The following FAM114A1 variants were observed in gnomAD, a reference collection of about 807,000 sequenced individuals.
FAM114A1 encodes the protein family with sequence similarity 114 member A1.
Under a neutral mutation model 64.3 loss-of-function variants are expected in FAM114A1, and 62 were observed. The observed-to-expected ratio is 0.96, with a 90% confidence interval of 0.79 to 1.19. The LOEUF is 1.19. Ranked by LOEUF, FAM114A1 falls within the 50% of genes most tolerant of loss-of-function variation. The probability of loss-of-function intolerance (pLI) is 0.00; values close to 1 mark genes in which losing one functional copy is unlikely to be tolerated. For missense variants in FAM114A1, 645 were observed against 676.3 expected (o/e 0.95, Z 0.51); for synonymous variants, 254 against 251.1 (o/e 1.01, Z -0.11).
chr4:38,897,302 A>G (rs1009330627), intron 4 of FAM114A1, among the ~76,000 whole-genome samples: 1 of 152,236 alleles, frequency 6.6e-6, no homozygotes, highest in African/African-American at 2.4e-5. Context: ...GAATATGTTG[A>G]TACCATATCC....
At chr4:38,922,659 C>A in intron 8 of FAM114A1, 111 bp from the exon 9 acceptor site, 1 of 1,377,878 alleles carries the variant, frequency 7.3e-7, no homozygotes, top group Non-Finnish European at 9.7e-7. Flanking sequence ...CCCAGCGATA[C>A]CTCCCACACC....
intron 13 of FAM114A1, among the ~76,000 whole-genome samples, chr4:38,939,370 C>G (rs1025575212): frequency 3.3e-5 from 5 of 152,136 alleles, no homozygotes; most frequent in Non-Finnish European, 7.3e-5. Context: ...CTAAAGCAGC[C>G]ATTATTCATA....
intron 8 of FAM114A1, among the ~76,000 whole-genome samples, chr4:38,919,097 G>A (rs1429025834): frequency 6.6e-6 from 1 of 150,702 alleles, no homozygotes; most frequent in African/African-American, 2.4e-5. Flanking sequence ...AGGTTGTAGT[G>A]AGCCGAGATC....
At position 38,889,657 on chromosome 4, in the gene FAM114A1, G is replaced by A. The variant is rs532895811; in HGVS notation, c.349-2086G>A. Among the ~76,000 whole-genome samples the A allele has an allele frequency of 3.9e-5, 6 of 152,274 alleles. No individual in the cohort carries two copies. The East Asian group carries it at 9.6e-4, about 24-fold the overall frequency. Reference sequence around the variant, plus strand: ...CTTAAAACAATTTGAGTAACTTGTTGTCCAAAACAGTAGAGCCTGGAGTCA... The same window carrying A: ...CTTAAAACAATTTGAGTAACTTGTTATCCAAAACAGTAGAGCCTGGAGTCA... On this transcript the variant is annotated intron_variant, in intron 3 of 14. Coordinates refer to ENST00000358869, the MANE Select transcript of FAM114A1 (RefSeq NM_138389.4).
Position 38,873,311 on chromosome 4 carries a change from G to A in FAM114A1, c.-8-4760G>A, listed in dbSNP as rs1346592412. On this transcript the variant is annotated intron_variant, in intron 2 of 14. Transcript: ENST00000358869. ...CTAACTCAATTAACTGGGAGGTGAA[G>A]GAAAAAAGAAAGACAATACGGAAAT... Among the ~76,000 whole-genome samples the A allele has an allele frequency of 3.9e-5, 6 of 152,216 alleles. No individual in the cohort carries two copies. In the East Asian group the frequency reaches 9.6e-4, roughly 24 times the overall value.
chr4:38,898,329 G>C (rs2109638702), intron 4 of FAM114A1, among the ~76,000 whole-genome samples: 1 of 152,218 alleles, frequency 6.6e-6, no homozygotes, highest in East Asian at 1.9e-4. Flanking sequence ...CTCTCCCAAG[G>C]TACATAGTTT....
chr4:38,887,296 T>C (rs1427162373), intron 3 of FAM114A1, among the ~76,000 whole-genome samples: 2 of 152,244 alleles, frequency 1.3e-5, no homozygotes, highest in East Asian at 3.8e-4. Flanking sequence ...ATCTCACTGT[T>C]TAGAAGTCCA....
chr4:38,921,509 G>C (rs775953133), intron 8 of FAM114A1, among the ~76,000 whole-genome samples: 1 of 152,138 alleles, frequency 6.6e-6, no homozygotes, highest in South Asian at 2.1e-4. Flanking sequence ...TGATCCTCCC[G>C]CCTCAGCCTC....
intron 8 of FAM114A1, among the ~76,000 whole-genome samples, chr4:38,916,872 C>A (rs959694684): frequency 6.6e-6 from 1 of 152,114 alleles, no homozygotes; most frequent in African/African-American, 2.4e-5. Context: ...GGAGGTTGTC[C>A]TCCCACTGCA....
At chr4:38,889,147 A>C (rs747799350) in intron 3 of FAM114A1, among the ~76,000 whole-genome samples, 3 of 152,212 alleles carry the variant, frequency 2.0e-5, no homozygotes, top group Non-Finnish European at 4.4e-5. Context: ...TAAATATTAT[A>C]AATTTGAGTC....
intron 7 of FAM114A1, among the ~76,000 whole-genome samples, chr4:38,910,095 C>T (rs537927464): frequency 3.9e-4 from 60 of 151,974 alleles, no homozygotes; most frequent in African/African-American, 1.1e-3. Context: ...AAAAATTAGC[C>T]GGATGTGGTG....
At chr4:38,913,081 C>A (rs1718710206) in intron 7 of FAM114A1, among the ~76,000 whole-genome samples, 1 of 152,146 alleles carries the variant, frequency 6.6e-6, no homozygotes, top group African/African-American at 2.4e-5. Context: ...ACAATAAAAA[C>A]CAAAGTCTAT....
chr4:38,927,960 G>A (rs1239065210), intron 9 of FAM114A1, among the ~76,000 whole-genome samples: 2 of 152,192 alleles, frequency 1.3e-5, no homozygotes, highest in African/African-American at 4.8e-5. Flanking sequence ...GGGATTACAG[G>A]CGTGAGCCAC....
chr4:38,882,300 CA>C (rs1419750457), intron 3 of FAM114A1, among the ~76,000 whole-genome samples: 1 of 99,524 alleles, frequency 1.0e-5, no homozygotes, highest in African/African-American at 4.3e-5. Flanking sequence ...GCCTGGGCGA[CA>C]GAGCGAGACT....
In FAM114A1 at chr4:38,891,831, G is replaced by A. The variant is rs760288286; in HGVS notation, c.436+1G>A. The A allele has an allele frequency of 2.7e-5, 44 of 1,609,800 alleles. No homozygotes were observed. The Admixed American group carries it at 7.5e-4, about 27-fold the overall frequency. On this transcript the variant is annotated splice_donor_variant, in intron 4 of 14. Coordinates refer to ENST00000358869, the MANE Select transcript of FAM114A1 (RefSeq NM_138389.4). LOFTEE classifies it high-confidence loss of function. ...CTGTCGTCAGCATCTGCCACAGTAG[G>A]TAAGCATTGTATGTTGCATTGGAAT... is the stretch of plus-strand genomic sequence containing the variant.
chr4:38,873,684 C>T (rs938707691), intron 2 of FAM114A1, among the ~76,000 whole-genome samples: 1 of 152,192 alleles, frequency 6.6e-6, no homozygotes, highest in Non-Finnish European at 1.5e-5. Flanking sequence ...AAAAGAACAA[C>T]ATATGGAACT....
At chr4:38,884,580 A>G (rs995226502) in intron 3 of FAM114A1, among the ~76,000 whole-genome samples, 10 of 152,356 alleles carry the variant, frequency 6.6e-5, no homozygotes, top group African/African-American at 1.7e-4. Flanking sequence ...TTATAGTACA[A>G]TCTCACCACT....
chr4:38,937,224 G>A (rs969520804), intron 13 of FAM114A1, among the ~76,000 whole-genome samples: 2 of 152,166 alleles, frequency 1.3e-5, no homozygotes, highest in Non-Finnish European at 2.9e-5. Context: ...CATAAACTGG[G>A]TTATTTTCTC....
chr4:38,907,833 A>T (rs6531678), intron 6 of FAM114A1, among the ~76,000 whole-genome samples: 2,890 of 152,286 alleles, frequency 0.019, 110 homozygotes, highest in African/African-American at 0.065. Context: ...TTGGAGTGTA[A>T]GTATGAAAGA....
Sources: allele counts gnomAD v4.1 joint callset (sites outside exome capture counted in the v4.1 genomes callset), GRCh38; gene constraint gnomAD v4.1.1; transcripts MANE v1.5; gene names NCBI Gene and HGNC (gene_info 2026-07-23, HGNC 2026-07-21).